Variants in CTNNA3 observed in about 807,000 individuals in gnomAD.
The protein encoded by CTNNA3 is catenin alpha 3.
In CTNNA3, 76 loss-of-function variants were observed where a neutral mutation model predicts 95.7. The observed-to-expected ratio is 0.79, with a 90% CI of 0.66 to 0.96. CTNNA3 has a LOEUF of 0.96. Ranked by LOEUF, CTNNA3 falls within the 40% of genes least tolerant of loss-of-function variation. The pLI, the probability that CTNNA3 is intolerant of heterozygous loss-of-function variation, is 0.00. For missense variants in CTNNA3, 1,191 were observed against 1,089.8 expected (o/e 1.09, Z -1.31); for synonymous variants, 431 against 374.4 (o/e 1.15, Z -1.74).
chr10:65,952,004 C>CG (rs2077625313), intron 17 of CTNNA3, among the ~76,000 whole-genome samples: 1 of 126,306 alleles, frequency 7.9e-6, no homozygotes, highest in East Asian at 2.4e-4. Flanking sequence ...CACTCCAGAC[C>CG]GGGCGACAGA....
At position 66,532,361 on chromosome 10, in the gene CTNNA3, C is replaced by T. The variant is rs1045736865; in HGVS notation, c.1375-11588G>A. ...CCTGAAGTCCCAGCTACTGGGGAGG[C>T]TGAGGCAGGAGAATGGCATGAACCT... is the stretch of plus-strand genomic sequence containing the variant. On this transcript the variant is annotated intron_variant, in intron 10 of 17. Coordinates refer to ENST00000433211, the MANE Select transcript of CTNNA3 (RefSeq NM_013266.4). Among the ~76,000 whole-genome samples, 3 of 151,668 alleles carry T rather than the reference C, an allele frequency of 2.0e-5. No homozygotes were observed. The East Asian group carries it at 5.8e-4, about 30-fold the overall frequency.
chr10:66,636,350 C>T (rs942998457), intron 9 of CTNNA3, among the ~76,000 whole-genome samples: 1 of 152,054 alleles, frequency 6.6e-6, no homozygotes, highest in African/African-American at 2.4e-5. Flanking sequence ...ATACTGGACA[C>T]ATACTGTGAG....
chr10:67,026,445 A>C (rs1294171214), intron 7 of CTNNA3, among the ~76,000 whole-genome samples: 1 of 152,058 alleles, frequency 6.6e-6, no homozygotes, highest in Non-Finnish European at 1.5e-5. Flanking sequence ...ATTTAAAATA[A>C]AAACAAAATA....
intron 7 of CTNNA3, chr10:66,837,701 C>T (rs1842928382): frequency 6.6e-6 from 1 of 152,098 alleles, no homozygotes; most frequent in African/African-American, 2.4e-5. Flanking sequence ...ATTAAGCTTC[C>T]ATTTGTTCTG....
intron 5 of CTNNA3, among the ~76,000 whole-genome samples, chr10:67,286,919 G>T (rs998689415): frequency 3.3e-5 from 5 of 152,160 alleles, no homozygotes; most frequent in Non-Finnish European, 7.4e-5. Flanking sequence ...CAGCTCTACT[G>T]AAAGAAACCC....
At chr10:66,920,728 T>C (rs1200673644) in intron 7 of CTNNA3, among the ~76,000 whole-genome samples, 1 of 152,232 alleles carries the variant, frequency 6.6e-6, no homozygotes, top group Non-Finnish European at 1.5e-5. Context: ...CTCTTGGTCT[T>C]GCTCACAAAA....
rs997346861 is a variant in CTNNA3, at chr10:67,197,213, T to C, written c.844-16693A>G. On this transcript the variant is annotated intron_variant, in intron 6 of 17. Coordinates refer to ENST00000433211, the MANE Select transcript of CTNNA3 (RefSeq NM_013266.4). ...TAAACAAACATTTGAATAGTTCCTG[T>C]CATTTCCGAGGTTTATGTCAATTGT... Among the ~76,000 whole-genome samples, 6 of 152,216 alleles carry C rather than the reference T, an allele frequency of 3.9e-5. 1 individual carries two copies. Among genetic ancestry groups the C allele is most frequent in the Admixed American group, 3.9e-4 (6 of 15,280 alleles).
chr10:66,812,768 ATG>A (rs1841932499), intron 7 of CTNNA3, among the ~76,000 whole-genome samples: 1 of 151,786 alleles, frequency 6.6e-6, no homozygotes, highest in Admixed American at 6.6e-5. Flanking sequence ...ATCACTAACA[ATG>A]GTTTGCATGA....
rs16924451 is a variant in CTNNA3, at chr10:67,386,967, T to C, written c.579+134875A>G. Among the ~76,000 whole-genome samples the C allele has an allele frequency of 0.025, 3,803 of 152,268 alleles. 312 individuals carry two copies. In the East Asian group the frequency reaches 0.3, roughly 12 times the overall value. On this transcript the variant is annotated intron_variant, in intron 5 of 17. Coordinates refer to ENST00000433211, the MANE Select transcript of CTNNA3 (RefSeq NM_013266.4). ...AGTTAAGTATTTGTTAAGACCTCAT[T>C]CCAAAACCTCCGTCCTACCTTCCTA...
intron 7 of CTNNA3, among the ~76,000 whole-genome samples, chr10:67,118,892 T>C (rs898618809): frequency 1.3e-5 from 2 of 151,928 alleles, no homozygotes; most frequent in Non-Finnish European, 2.9e-5. Context: ...TATAATAACA[T>C]TTTTAACCAA....
intron 1 of CTNNA3, among the ~76,000 whole-genome samples, chr10:67,738,229 A>T (rs1841314115): frequency 6.6e-6 from 1 of 152,198 alleles, no homozygotes. Context: ...CTTCCAGAGG[A>T]AGGATCAGGC....
chr10:67,523,396 G>T (rs1206960162), intron 4 of CTNNA3, among the ~76,000 whole-genome samples: 2 of 152,140 alleles, frequency 1.3e-5, no homozygotes, highest in Non-Finnish European at 2.9e-5. Flanking sequence ...ATCTTCACAA[G>T]AACCACAGGA....
rs532287200 is a variant in CTNNA3, at chr10:66,709,616, A to C, written c.1281+56648T>G. ...AATATTTATTCCTTATTACTTCTTC[A>C]CTCACTTATATTGATTACAAAAGTA... On this transcript the variant is annotated intron_variant, in intron 9 of 17. Transcript: ENST00000433211. Among the ~76,000 whole-genome samples, 70 of 152,150 alleles carry C rather than the reference A, an allele frequency of 4.6e-4. 1 individual carries two copies. Among genetic ancestry groups the C allele is most frequent in the Admixed American group, 1.8e-3 (27 of 15,230 alleles).
chr10:66,103,832 T>C (rs990622547), intron 13 of CTNNA3, among the ~76,000 whole-genome samples: 2 of 152,112 alleles, frequency 1.3e-5, no homozygotes, highest in African/African-American at 4.8e-5. Flanking sequence ...CTGAATATAC[T>C]AAAAAACACT....
intron 11 of CTNNA3, among the ~76,000 whole-genome samples, chr10:66,517,513 C>A (rs147836753): frequency 6.8e-4 from 103 of 152,230 alleles, no homozygotes; most frequent in African/African-American, 2.4e-3. Context: ...ACACTGCCAT[C>A]AGCCCCATGA....
At chr10:66,670,902 C>G (rs1209238349) in intron 9 of CTNNA3, among the ~76,000 whole-genome samples, 1 of 152,244 alleles carries the variant, frequency 6.6e-6, no homozygotes, top group South Asian at 2.1e-4. Context: ...CTAAATGAAG[C>G]ATTCTTAAAT....
intron 7 of CTNNA3, among the ~76,000 whole-genome samples, chr10:66,826,679 A>T (rs1842526339): frequency 1.3e-5 from 2 of 152,250 alleles, no homozygotes; most frequent in South Asian, 4.1e-4. Context: ...GTAGTTTGAG[A>T]TATATATTTT....
At chr10:66,782,910 T>C (rs1208095942) in intron 7 of CTNNA3, among the ~76,000 whole-genome samples, 1 of 152,048 alleles carries the variant, frequency 6.6e-6, no homozygotes, top group Non-Finnish European at 1.5e-5. Flanking sequence ...AATCAGAAAA[T>C]GGGGTTTCTA....
rs191965160 is a variant in CTNNA3 at position 66,026,528 on chromosome 10, T to C, written c.2160-37731A>G. Reference sequence around the variant, plus strand: ...TCTGCAGAACAACAAGGGCCAAAAATGACTTCAAATGACACATAAAAATGT... The same window carrying C: ...TCTGCAGAACAACAAGGGCCAAAAACGACTTCAAATGACACATAAAAATGT... On this transcript the variant is annotated intron_variant, in intron 15 of 17. Transcript: ENST00000433211. Among the ~76,000 whole-genome samples, 255 of 152,244 alleles carry C rather than the reference T, an allele frequency of 1.7e-3. 2 individuals are homozygous for C. Among genetic ancestry groups the C allele is most frequent in the African/African-American group, 5.7e-3 (236 of 41,556 alleles).
Sources: gnomAD v4.1 joint callset for allele counts (sites outside exome capture counted in the v4.1 genomes callset) on GRCh38, gnomAD v4.1.1 for gene constraint, MANE v1.5 for transcripts, NCBI Gene and HGNC (gene_info 2026-07-23, HGNC 2026-07-21) for gene names.